Variants in RAB31 observed in about 807,000 individuals in gnomAD.
The protein encoded by RAB31 is RAB31, member RAS oncogene family.
Under a neutral mutation model 25.6 loss-of-function variants are expected in RAB31, and 21 were observed. That is an observed-to-expected ratio of 0.82 (90% CI 0.58 to 1.18). The LOEUF (loss-of-function observed/expected upper bound fraction) is 1.18, where lower values mean the gene tolerates loss of function less well. Ranked by LOEUF, RAB31 falls within the 50% of genes most tolerant of loss-of-function variation. RAB31 has a pLI of 0.00. For synonymous variants in RAB31, 87 were observed against 84.0 expected (o/e 1.04, Z -0.20); for missense variants, 196 against 250.1 (o/e 0.78, Z 1.46).
intron 1 of RAB31, among the ~76,000 whole-genome samples, chr18:9,757,353 G>T (rs117536495): frequency 0.024 from 3,715 of 152,228 alleles, 78 homozygotes; most frequent in Middle Eastern, 0.061. Context: ...ACTGCTCTGC[G>T]TAGCTCCTGC....
intron 1 of RAB31, among the ~76,000 whole-genome samples, chr18:9,718,511 G>A (rs779544180): frequency 2.8e-4 from 43 of 151,058 alleles, no homozygotes; most frequent in Admixed American, 1.6e-3. Context: ...CACCTGCCTC[G>A]GCCTCCCAAA....
chr18:9,721,530 T>C (rs2068073629), intron 1 of RAB31, among the ~76,000 whole-genome samples: 2 of 151,852 alleles, frequency 1.3e-5, no homozygotes, highest in South Asian at 4.1e-4. Flanking sequence ...GCAGGAGAAT[T>C]GTTTTAACAT....
chr18:9,805,617 G>A (rs532409800), intron 3 of RAB31, among the ~76,000 whole-genome samples: 1 of 152,294 alleles, frequency 6.6e-6, no homozygotes, highest in East Asian at 1.9e-4. Flanking sequence ...ACAGGTGATG[G>A]GGATTAGGAC....
At chr18:9,750,735 T>A (rs889935440) in intron 1 of RAB31, among the ~76,000 whole-genome samples, 1 of 152,250 alleles carries the variant, frequency 6.6e-6, no homozygotes, top group African/African-American at 2.4e-5. Flanking sequence ...ATATTTTTCC[T>A]GACCTCTGAA....
chr18:9,777,396 G>T (rs1213856546), intron 2 of RAB31, among the ~76,000 whole-genome samples: 1 of 152,124 alleles, frequency 6.6e-6, no homozygotes, highest in Non-Finnish European at 1.5e-5. Context: ...TTGGATAAGG[G>T]ATACTCAACA....
intron 5 of RAB31, among the ~76,000 whole-genome samples, chr18:9,832,602 G>C (rs1366849825): frequency 6.6e-6 from 1 of 152,216 alleles, no homozygotes; most frequent in Admixed American, 6.5e-5. Context: ...TCGGAGTGAA[G>C]TGCAGACCTT....
intron 5 of RAB31, among the ~76,000 whole-genome samples, chr18:9,832,250 C>A (rs1470960067): frequency 6.6e-6 from 1 of 152,204 alleles, no homozygotes; most frequent in Non-Finnish European, 1.5e-5. Flanking sequence ...TCACCCATGC[C>A]AGAGGTCAGT....
chr18:9,759,275 A>G (rs112607304), intron 1 of RAB31, among the ~76,000 whole-genome samples: 21,449 of 151,890 alleles, frequency 0.14, 1,718 homozygotes, highest in Middle Eastern at 0.24. Flanking sequence ...GGCTCAAGCA[A>G]TCCTTCTGTC....
chr18:9,855,252 A>G (rs910717682), intron 6 of RAB31, among the ~76,000 whole-genome samples: 4 of 152,038 alleles, frequency 2.6e-5, no homozygotes, highest in Non-Finnish European at 5.9e-5. Flanking sequence ...CTGAACTTAA[A>G]AAAAAAAAAG....
At chr18:9,842,449 G>A (rs2068739361) in intron 5 of RAB31, among the ~76,000 whole-genome samples, 1 of 152,124 alleles carries the variant, frequency 6.6e-6, no homozygotes, top group South Asian at 2.1e-4. Context: ...GAGGGTTTGG[G>A]GAGAACTGTG....
chr18:9,762,741 C>T (rs781199272), intron 1 of RAB31, among the ~76,000 whole-genome samples: 4 of 152,138 alleles, frequency 2.6e-5, no homozygotes, highest in Non-Finnish European at 4.4e-5. Context: ...ATTTAAAAGT[C>T]GTCTTCCTTC....
At chr18:9,723,033 A>C (rs2068080375) in intron 1 of RAB31, among the ~76,000 whole-genome samples, 1 of 152,220 alleles carries the variant, frequency 6.6e-6, no homozygotes, top group Non-Finnish European at 1.5e-5. Flanking sequence ...CAAAGAATGC[A>C]ATAGGTTTTG....
chr18:9,781,183 A>C (rs2068402353), intron 2 of RAB31, among the ~76,000 whole-genome samples: 1 of 152,164 alleles, frequency 6.6e-6, no homozygotes, highest in Non-Finnish European at 1.5e-5. Flanking sequence ...TAACTTTATA[A>C]AATTGTAAAA....
intron 5 of RAB31, among the ~76,000 whole-genome samples, chr18:9,839,790 G>A (rs1382518316): frequency 1.3e-5 from 2 of 152,186 alleles, no homozygotes; most frequent in Non-Finnish European, 2.9e-5. Flanking sequence ...AGGTCCCTAA[G>A]ATGCTCTGCA....
chr18:9,772,676 G>A lies in RAB31; in HGVS notation c.40-2602G>A, dbSNP rs536642309. ...GATGGAGAAAGGTAGAAATGAGCGT[G>A]GTCGGTGTTGGGGAGAGGTCCCCAC... On this transcript the variant is annotated intron_variant, in intron 1 of 6. Transcript: ENST00000578921. Among the ~76,000 whole-genome samples, 9 of 152,318 alleles carry A rather than the reference G, an allele frequency of 5.9e-5. 1 individual carries two copies. The East Asian group carries it at 1.4e-3, about 23-fold the overall frequency.
intron 1 of RAB31, among the ~76,000 whole-genome samples, chr18:9,726,522 A>G (rs991354569): frequency 8.5e-5 from 13 of 152,048 alleles, no homozygotes; most frequent in African/African-American, 2.9e-4. Context: ...GTAATATTCA[A>G]GATATTACCT....
chr18:9,791,057 G>T (rs143667697), intron 2 of RAB31, among the ~76,000 whole-genome samples: 1 of 152,220 alleles, frequency 6.6e-6, no homozygotes, highest in Non-Finnish European at 1.5e-5. Flanking sequence ...GGACTTAGAA[G>T]GGAGGAAAAA....
intron 5 of RAB31, among the ~76,000 whole-genome samples, chr18:9,823,598 C>A (rs181008667): frequency 6.6e-6 from 1 of 152,040 alleles, no homozygotes; most frequent in African/African-American, 2.4e-5. Context: ...AGTAAAAAAT[C>A]TGATTAACAA....
At chr18:9,752,153 T>G (rs78672341) in intron 1 of RAB31, among the ~76,000 whole-genome samples, 3,378 of 152,304 alleles carry the variant, frequency 0.022, 32 homozygotes, top group Middle Eastern at 0.044. Flanking sequence ...AAGGACATGC[T>G]GAGAGCCCTT....
Sources: allele counts gnomAD v4.1 joint callset (sites outside exome capture counted in the v4.1 genomes callset), GRCh38; gene constraint gnomAD v4.1.1; transcripts MANE v1.5; gene names NCBI Gene and HGNC (gene_info 2026-07-23, HGNC 2026-07-21).